Variants in BMPER observed in about 807,000 individuals in gnomAD.
BMPER encodes BMP binding endothelial regulator, also known as BMP-binding endothelial regulator protein.
A neutral mutation model predicts 87.3 loss-of-function variants in BMPER; 45 were observed. The observed-to-expected ratio is 0.52, with a 90% CI of 0.41 to 0.66. The LOEUF (loss-of-function observed/expected upper bound fraction) is 0.66, where lower values mean the gene tolerates loss of function less well. Among genes scored for constraint, BMPER ranks in the 30% least tolerant of loss-of-function variants. The pLI is 0.00. For missense variants in BMPER, 784 were observed against 867.5 expected (o/e 0.90, Z 1.21); for synonymous variants, 326 against 316.2 (o/e 1.03, Z -0.33).
chr7:33,908,245 TGTGA>T (rs1250409216), intron 2 of BMPER, among the ~76,000 whole-genome samples: 2 of 152,226 alleles, frequency 1.3e-5, no homozygotes, highest in Non-Finnish European at 2.9e-5. Context: ...ATCTGTGTAA[TGTGA>T]GTGAATTATT....
intron 3 of BMPER, among the ~76,000 whole-genome samples, chr7:33,949,174 G>C (rs975389796): frequency 1.3e-5 from 2 of 151,956 alleles, no homozygotes; most frequent in Non-Finnish European, 2.9e-5. Context: ...TAGTACTCAT[G>C]ACTGCTTATT....
chr7:33,915,662 G>A (rs1784074564), intron 2 of BMPER, among the ~76,000 whole-genome samples: 1 of 152,194 alleles, frequency 6.6e-6, no homozygotes, highest in Non-Finnish European at 1.5e-5. Context: ...CGACTTAAAT[G>A]GTTGGCTGTG....
At chr7:34,131,077 AG>A (rs1427127818) in intron 13 of BMPER, among the ~76,000 whole-genome samples, 2 of 152,014 alleles carry the variant, frequency 1.3e-5, no homozygotes, top group Non-Finnish European at 2.9e-5. Flanking sequence ...GGCTCATCTG[AG>A]GGTGCTCTCA....
At chr7:34,043,701 G>T (rs1329707409) in intron 6 of BMPER, among the ~76,000 whole-genome samples, 3 of 152,122 alleles carry the variant, frequency 2.0e-5, no homozygotes, top group Non-Finnish European at 4.4e-5. Context: ...GTATCCCCAG[G>T]ATATGATAGG....
At chr7:34,096,207 G>A (rs997302306) in intron 13 of BMPER, among the ~76,000 whole-genome samples, 1 of 152,176 alleles carries the variant, frequency 6.6e-6, no homozygotes, top group Non-Finnish European at 1.5e-5. Context: ...TGTGTGGGCT[G>A]GTTTCCATCA....
In BMPER at chr7:34,150,860, G is replaced by T. The variant is rs149809177; in HGVS notation, c.1877-2232G>T. Reference sequence around the variant, plus strand: ...ATTTGAGTTGGTGTGTGTATGTAGCGAGAGAGAGAAAGACTATGAGAGGAT... The same window carrying T: ...ATTTGAGTTGGTGTGTGTATGTAGCTAGAGAGAGAAAGACTATGAGAGGAT... On this transcript the variant is annotated intron_variant, in intron 14 of 14. Transcript: ENST00000649409. Among the ~76,000 whole-genome samples, 163 of 152,258 alleles carry T rather than the reference G, an allele frequency of 1.1e-3. 1 individual carries two copies. The highest frequency in any genetic ancestry group is 3.6e-3 in the African/African-American group (149 of 41,568).
intron 13 of BMPER, among the ~76,000 whole-genome samples, chr7:34,086,738 C>T (rs1789221770): frequency 6.6e-6 from 1 of 152,200 alleles, no homozygotes; most frequent in African/African-American, 2.4e-5. Flanking sequence ...TTTTAACCCC[C>T]TTCCACGCAA....
intron 3 of BMPER, among the ~76,000 whole-genome samples, chr7:33,959,711 G>A (rs1338616410): frequency 2.0e-5 from 3 of 152,086 alleles, no homozygotes; most frequent in Non-Finnish European, 4.4e-5. Context: ...AAATTCAAAA[G>A]CATATTTTAT....
At chr7:34,152,636 G>A (rs1388713172) in intron 14 of BMPER, among the ~76,000 whole-genome samples, 5 of 151,972 alleles carry the variant, frequency 3.3e-5, no homozygotes, top group Non-Finnish European at 4.4e-5. Context: ...ATTAAAATAT[G>A]TCACACATTC....
chr7:33,924,582 C>G (rs751926896), intron 2 of BMPER, among the ~76,000 whole-genome samples: 9 of 152,198 alleles, frequency 5.9e-5, no homozygotes, highest in Non-Finnish European at 1.3e-4. Context: ...GCACACATAT[C>G]CAATATATTG....
chr7:34,019,966 T>C lies in BMPER; in HGVS notation c.577-26340T>C, dbSNP rs866183026. ...TTTAGAAGGTTTTTTTTTTTTTTTT[T>C]TCCCCAGGCTGAAATCTGGAAAATG... On this transcript the variant is annotated intron_variant, in intron 6 of 14. Coordinates refer to ENST00000649409, the MANE Select transcript of BMPER (RefSeq NM_001365308.1). Among the ~76,000 whole-genome samples the C allele has an allele frequency of 9.7e-4, 146 of 151,228 alleles. 1 individual carries two copies. The Middle Eastern group carries it at 0.014, about 14-fold the overall frequency.
At chr7:34,071,304 T>G (rs149331748) in intron 11 of BMPER, among the ~76,000 whole-genome samples, 3 of 152,222 alleles carry the variant, frequency 2.0e-5, no homozygotes, top group African/African-American at 7.2e-5. Context: ...GTATCTCTTA[T>G]GTTCTAGGCA....
intron 13 of BMPER, among the ~76,000 whole-genome samples, chr7:34,087,721 A>T (rs1789256661): frequency 6.6e-6 from 1 of 152,142 alleles, no homozygotes; most frequent in South Asian, 2.1e-4. Context: ...CCTGTTTGCA[A>T]ATTTGGATTG....
chr7:33,973,988 G>T (rs1294275625), intron 5 of BMPER, among the ~76,000 whole-genome samples: 1 of 152,088 alleles, frequency 6.6e-6, no homozygotes, highest in African/African-American at 2.4e-5. Context: ...CTTGGAGGGG[G>T]CCACAGTCCC....
intron 13 of BMPER, among the ~76,000 whole-genome samples, chr7:34,134,490 A>G (rs10251028): frequency 0.029 from 4,489 of 152,228 alleles, 206 homozygotes; most frequent in African/African-American, 0.1. Flanking sequence ...CGTTATCTCT[A>G]GAAGAGTGAC....
chr7:33,948,313 C>A (rs1313432946), intron 3 of BMPER, among the ~76,000 whole-genome samples: 2 of 152,192 alleles, frequency 1.3e-5, no homozygotes, highest in African/African-American at 4.8e-5. Flanking sequence ...GAAGACAATC[C>A]TCCAATCTTA....
At chr7:34,024,378 AAAAACAATATATAT>A (rs1562695115) in intron 6 of BMPER, among the ~76,000 whole-genome samples, 19 of 89,322 alleles carry the variant, frequency 2.1e-4, no homozygotes, top group African/African-American at 1.1e-3. Flanking sequence ...AAAAAAAAAA[AAAAACAATATATAT>A]ATATATATAT....
chr7:34,151,137 A>G (rs1214864455), intron 14 of BMPER, among the ~76,000 whole-genome samples: 1 of 152,218 alleles, frequency 6.6e-6, no homozygotes, highest in Non-Finnish European at 1.5e-5. Flanking sequence ...TGTCATCTGT[A>G]GAGAAGAGCA....
At chr7:34,137,783 G>C (rs894998903) in intron 13 of BMPER, among the ~76,000 whole-genome samples, 3 of 152,236 alleles carry the variant, frequency 2.0e-5, no homozygotes, top group Non-Finnish European at 2.9e-5. Context: ...TTTGGTAAAA[G>C]AATGAGTGGG....
Sources: allele counts gnomAD v4.1 joint callset (sites outside exome capture counted in the v4.1 genomes callset), GRCh38; gene constraint gnomAD v4.1.1; transcripts MANE v1.5; gene names NCBI Gene and HGNC (gene_info 2026-07-23, HGNC 2026-07-21).